CDH9: variants seen among roughly 807,000 people sequenced by gnomAD.
CDH9 encodes the protein cadherin-9.
A neutral mutation model predicts 70.9 loss-of-function variants in CDH9; 28 were observed. The observed-to-expected ratio is 0.40, with a 90% CI of 0.29 to 0.54. The LOEUF is 0.54. Ranked by LOEUF, CDH9 falls within the 20% of genes least tolerant of loss-of-function variation. The pLI is 0.59. For synonymous variants in CDH9, 409 were observed against 343.1 expected (o/e 1.19, Z -2.12); for missense variants, 874 against 984.4 (o/e 0.89, Z 1.50).
chr5:27,036,788 T>C (rs945842910), intron 1 of CDH9, among the ~76,000 whole-genome samples: 2 of 151,918 alleles, frequency 1.3e-5, no homozygotes, highest in Non-Finnish European at 2.9e-5. Flanking sequence ...TTGGCATATA[T>C]CTATTAAGTG....
intron 2 of CDH9, among the ~76,000 whole-genome samples, chr5:26,919,799 C>A (rs62346387): frequency 0.21 from 31,676 of 151,976 alleles, 3,547 homozygotes; most frequent in South Asian, 0.36. Flanking sequence ...CAGAAGGGAA[C>A]CTACTATCCT....
chr5:26,982,520 T>G (rs1579492703), intron 2 of CDH9, among the ~76,000 whole-genome samples: 1 of 152,128 alleles, frequency 6.6e-6, no homozygotes, highest in South Asian at 2.1e-4. Context: ...ATAAAGATTT[T>G]TAAAATAGTA....
chr5:26,925,806 A>G (rs1237921080), intron 2 of CDH9, among the ~76,000 whole-genome samples: 1 of 152,122 alleles, frequency 6.6e-6, no homozygotes, highest in Non-Finnish European at 1.5e-5. Context: ...TTAAATATGG[A>G]ATCCTTTCCC....
At chr5:27,013,615 A>G (rs1315383711) in intron 1 of CDH9, among the ~76,000 whole-genome samples, 5 of 151,902 alleles carry the variant, frequency 3.3e-5, no homozygotes. Flanking sequence ...CCAAGTAGCA[A>G]CACTTCCAGG....
chr5:26,882,841 A>G (rs1740489653), intron 11 of CDH9, among the ~76,000 whole-genome samples: 1 of 151,336 alleles, frequency 6.6e-6, no homozygotes, highest in African/African-American at 2.4e-5. Context: ...ACTCATTGTC[A>G]TTGAGACTAC....
intron 2 of CDH9, among the ~76,000 whole-genome samples, chr5:26,922,384 C>T (rs574117547): frequency 6.6e-6 from 1 of 151,964 alleles, no homozygotes; most frequent in Non-Finnish European, 1.5e-5. Flanking sequence ...ATGCACCTGG[C>T]AACAGATATC....
In CDH9 at chr5:26,903,761, G is replaced by C. The variant is rs1243922347; in HGVS notation, c.875C>G (p.Ala292Gly). 3.1e-6 allele frequency: 5 copies of C among 1,607,086 alleles called. No homozygotes were observed. The highest frequency in any genetic ancestry group is 4.3e-6 in the Non-Finnish European group (5 of 1,175,584). The stretch of plus-strand genomic sequence containing the variant: ...ATTTTCCCCCACGTCAGGGTCATTG[G>C]CTTTTATCCTTCCAAGATGAGTTCC... ...PLGTHLGRIKANDPDVGENAE... is the reference protein window; with the variant it reads ...PLGTHLGRIKGNDPDVGENAE... Residue 292 changes from alanine (A) to glycine (G), a missense_variant, in exon 6 of 12, where the codon GCC becomes GGC. Ala to Gly is a moderately conservative substitution (Grantham distance 60). Coordinates refer to ENST00000231021, the MANE Select transcript of CDH9 (RefSeq NM_016279.4).
intron 3 of CDH9, among the ~76,000 whole-genome samples, chr5:26,913,320 C>T (rs1331868752): frequency 1.3e-5 from 2 of 151,988 alleles, no homozygotes; most frequent in East Asian, 3.9e-4. Flanking sequence ...AATGGAAGCA[C>T]ATACAAAGTT....
At chr5:26,919,251 A>G (rs879812288) in intron 2 of CDH9, among the ~76,000 whole-genome samples, 8 of 152,144 alleles carry the variant, frequency 5.3e-5, no homozygotes, top group Non-Finnish European at 1.2e-4. Flanking sequence ...GAGTGAATCT[A>G]TGTGCTGGAG....
chr5:26,889,961 C>T lies in CDH9; in HGVS notation c.1391-4G>A. 6.2e-7 allele frequency: 1 copy of T among 1,608,726 alleles called. No individual in the cohort carries two copies. The highest frequency in any genetic ancestry group is 8.5e-7 in the Non-Finnish European group (1 of 1,177,612). On this transcript the variant is annotated splice_region_variant and splice_polypyrimidine_tract_variant and intron_variant, in intron 8 of 11. Coordinates refer to ENST00000231021, the MANE Select transcript of CDH9 (RefSeq NM_016279.4). ...TGGCTACTTTGTTTTGGGTTATCTG[C>T]AACGAGAACACGTGTAAGATTTCAG... is the stretch of plus-strand genomic sequence containing the variant.
intron 2 of CDH9, among the ~76,000 whole-genome samples, chr5:26,926,360 A>C (rs1244670114): frequency 6.6e-6 from 1 of 152,158 alleles, no homozygotes; most frequent in Non-Finnish European, 1.5e-5. Context: ...AAGAGAATAC[A>C]ATACCTAGGA....
chr5:26,922,396 CAGT>C (rs1189631705), intron 2 of CDH9, among the ~76,000 whole-genome samples: 1 of 151,890 alleles, frequency 6.6e-6, no homozygotes, highest in African/African-American at 2.4e-5. Flanking sequence ...ACAGATATCT[CAGT>C]GGAAAACTTA....
intron 9 of CDH9, among the ~76,000 whole-genome samples, chr5:26,887,261 C>A (rs554377000): frequency 5.9e-5 from 9 of 151,710 alleles, no homozygotes; most frequent in Non-Finnish European, 1.2e-4. Flanking sequence ...GCTCAACCTT[C>A]TGTTCCTACA....
At chr5:26,912,231 T>C (rs1321877825) in intron 3 of CDH9, among the ~76,000 whole-genome samples, 2 of 152,048 alleles carry the variant, frequency 1.3e-5, no homozygotes, top group Non-Finnish European at 2.9e-5. Context: ...TGATTATGCA[T>C]CAGATTTAAC....
At chr5:26,977,492 T>C (rs1274582999) in intron 2 of CDH9, among the ~76,000 whole-genome samples, 3 of 142,262 alleles carry the variant, frequency 2.1e-5, no homozygotes, top group Non-Finnish European at 4.4e-5. Context: ...TGTGTATATA[T>C]ATATATATAT....
In CDH9 at chr5:26,979,904, T is replaced by C. The variant is rs558046875; in HGVS notation, c.228+8202A>G. Among the ~76,000 whole-genome samples the C allele has an allele frequency of 2.6e-5, 4 of 151,844 alleles. No homozygotes were observed. The South Asian group carries it at 8.3e-4, about 32-fold the overall frequency. On this transcript the variant is annotated intron_variant, in intron 2 of 11. Coordinates refer to ENST00000231021, the MANE Select transcript of CDH9 (RefSeq NM_016279.4). ...ATAAATGAGAAAAAAATGACAGTGG[T>C]AAAGAGAAACATTTTTAAATGGAGC... is the stretch of plus-strand genomic sequence containing the variant.
chr5:26,910,844 C>T (rs1194005477), intron 3 of CDH9, among the ~76,000 whole-genome samples: 2 of 152,112 alleles, frequency 1.3e-5, no homozygotes, highest in Admixed American at 6.6e-5. Context: ...TGCCATAGGG[C>T]GATGACAGCC....
chr5:26,968,539 G>T (rs942714310), intron 2 of CDH9, among the ~76,000 whole-genome samples: 3 of 152,114 alleles, frequency 2.0e-5, no homozygotes, highest in Non-Finnish European at 4.4e-5. Context: ...ACCCACCTCG[G>T]CCTCTCAAAG....
At chr5:26,941,693 T>C (rs1741664391) in intron 2 of CDH9, among the ~76,000 whole-genome samples, 1 of 152,158 alleles carries the variant, frequency 6.6e-6, no homozygotes, top group South Asian at 2.1e-4. Context: ...TGTGCTTGGG[T>C]AGTGATCAGC....
Sources: gnomAD v4.1 joint callset for allele counts (sites outside exome capture counted in the v4.1 genomes callset) on GRCh38, gnomAD v4.1.1 for gene constraint, MANE v1.5 for transcripts, NCBI Gene and HGNC (gene_info 2026-07-23, HGNC 2026-07-21) for gene names.